SLA2: variants seen among roughly 807,000 people sequenced by gnomAD.
SLA2 encodes the protein Src like adaptor 2, also known as src-like-adapter 2.
Under a neutral mutation model 27.3 loss-of-function variants are expected in SLA2, and 22 were observed. That is an observed-to-expected ratio of 0.81 (90% CI 0.58 to 1.15). The LOEUF (loss-of-function observed/expected upper bound fraction) is 1.15, where lower values mean the gene tolerates loss of function less well. Among genes scored for constraint, SLA2 ranks in the 50% most tolerant of loss-of-function variants. The probability of loss-of-function intolerance (pLI) is 0.00; values close to 1 mark genes in which losing one functional copy is unlikely to be tolerated. For missense variants in SLA2, 304 were observed against 322.2 expected (o/e 0.94, Z 0.43); for synonymous variants, 131 against 137.8 (o/e 0.95, Z 0.34).
intron 3 of SLA2, among the ~76,000 whole-genome samples, chr20:36,634,251 G>A (rs549335924): frequency 6.6e-6 from 1 of 152,206 alleles, no homozygotes; most frequent in South Asian, 2.1e-4. Flanking sequence ...CTCCCAAAGT[G>A]CTGGGATTAC....
chr20:36,636,411 G>A (rs1185818393), intron 2 of SLA2, among the ~76,000 whole-genome samples: 3 of 128,916 alleles, frequency 2.3e-5, no homozygotes, highest in Non-Finnish European at 4.7e-5. Context: ...CTGGGCGACA[G>A]AGCAAGACTC....
chr20:36,621,026 G>A, intron 5 of SLA2: 1 of 363,078 alleles, frequency 2.8e-6, no homozygotes, highest in South Asian at 2.5e-5. Flanking sequence ...AATTTTGGCT[G>A]CAGTGGAAAC....
intron 2 of SLA2, among the ~76,000 whole-genome samples, chr20:36,636,420 T>TC (rs1444626568): frequency 9.6e-6 from 1 of 104,012 alleles, no homozygotes; most frequent in Non-Finnish European, 1.8e-5. Flanking sequence ...AGAGCAAGAC[T>TC]CCGTCTCAAA....
At position 36,612,841 on chromosome 20, in the gene SLA2, C is replaced by T. The variant is rs765673786; in HGVS notation, c.*1025G>A. The T allele has an allele frequency of 3.8e-5, 6 of 156,500 alleles. No individual in the cohort carries two copies. Among genetic ancestry groups the T allele is most frequent in the Non-Finnish European group, 7.1e-5 (5 of 70,634 alleles). 9.7% of individuals were successfully genotyped at this position (156,500 alleles called of 1,614,324 possible). On this transcript the variant is annotated 3_prime_UTR_variant, in exon 8 of 8. Coordinates refer to ENST00000262866, the MANE Select transcript of SLA2 (RefSeq NM_032214.4). Reference sequence around the variant, plus strand: ...CCTGGCCTCACTGCAGTGTGCTAGACTTAAGAGGTGTTATTTTTTATTCGG... The same window carrying T: ...CCTGGCCTCACTGCAGTGTGCTAGATTTAAGAGGTGTTATTTTTTATTCGG...
intron 5 of SLA2, among the ~76,000 whole-genome samples, chr20:36,626,341 G>A (rs1386601054): frequency 6.6e-6 from 1 of 151,082 alleles, no homozygotes; most frequent in Non-Finnish European, 1.5e-5. Context: ...GCAATGAGCC[G>A]AGATTGTGCC....
intron 1 of SLA2, among the ~76,000 whole-genome samples, chr20:36,644,850 C>T (rs1568612476): frequency 1.3e-5 from 2 of 149,400 alleles, no homozygotes; most frequent in African/African-American, 4.9e-5. Context: ...GAGATGAGCA[C>T]GCTGCCCAGA....
At chr20:36,645,177 ACCC>A (rs1978286930) in intron 1 of SLA2, among the ~76,000 whole-genome samples, 2 of 52,456 alleles carry the variant, frequency 3.8e-5, no homozygotes, top group Non-Finnish European at 7.9e-5. Flanking sequence ...CCCCACCCCC[ACCC>A]CCACCACCGC....
At position 36,615,394 on chromosome 20, in the gene SLA2, G is replaced by A; in HGVS notation, c.383-20C>T. 3 of 1,612,648 alleles carry A rather than the reference G, an allele frequency of 1.9e-6. No homozygotes were observed. Among genetic ancestry groups the A allele is most frequent in the Non-Finnish European group, 2.5e-6 (3 of 1,179,938 alleles). ...AAGAGCCTGAGGAGAAAGGGGTCCAGGGGTGGCACTGAGGCCCTGCTGGGA... is the reference window on the plus strand; with the variant it reads ...AAGAGCCTGAGGAGAAAGGGGTCCAAGGGTGGCACTGAGGCCCTGCTGGGA... On this transcript the variant is annotated intron_variant, in intron 5 of 7. Coordinates refer to ENST00000262866, the MANE Select transcript of SLA2 (RefSeq NM_032214.4).
At position 36,641,279 on chromosome 20, in the gene SLA2, AG is replaced by A. The variant is rs748192351; in HGVS notation, c.56del (p.Ser19LeufsTer8). 3.0e-5 allele frequency: 48 copies of A among 1,614,036 alleles called. No individual in the cohort carries two copies. The highest frequency in any genetic ancestry group is 3.7e-5 in the Non-Finnish European group (44 of 1,179,992). On this transcript the variant is annotated frameshift_variant, in exon 2 of 8. Coordinates refer to ENST00000262866, the MANE Select transcript of SLA2 (RefSeq NM_032214.4). LOFTEE classifies it high-confidence loss of function. ...KSLPSPSLSS[S>X]VQGQGPVTME... The stretch of plus-strand genomic sequence containing the variant: ...TGGTCACAGGTCCCTGGCCTTGGAC[AG>A]AGGAACTCAAGCTTGGGCTTGGCAG...
In SLA2 at chr20:36,612,802, C is replaced by G. The variant is rs1473731435; in HGVS notation, c.*1064G>C. ...GCTTAGCACCTTCTGATGCCCCTGC[C>G]CAGCACTGAGGTGCCTGGCCTCACT... On this transcript the variant is annotated 3_prime_UTR_variant, in exon 8 of 8. Coordinates refer to ENST00000262866, the MANE Select transcript of SLA2 (RefSeq NM_032214.4). 1.8e-5 allele frequency: 3 copies of G among 170,030 alleles called. No individual in the cohort carries two copies. Among genetic ancestry groups the G allele is most frequent in the African/African-American group, 7.1e-5 (3 of 41,976 alleles). 10.5% of individuals were successfully genotyped at this position (170,030 alleles called of 1,614,324 possible). A position where few individuals can be genotyped will look rare whatever the true frequency, so the allele number is the denominator to read the frequency against.
chr20:36,634,724 T>G, intron 2 of SLA2, 135 bp from the exon 3 acceptor site: 1 of 512,834 alleles, frequency 1.9e-6, no homozygotes, highest in Non-Finnish European at 3.5e-6. Flanking sequence ...ATCCACTTCC[T>G]AAGAGGGCCA....
intron 5 of SLA2, chr20:36,621,370 G>C: frequency 1.7e-6 from 1 of 599,830 alleles, no homozygotes. Context: ...TCCCTATGGT[G>C]GTGCTTATGG....
chr20:36,639,644 G>A (rs1170003924), intron 2 of SLA2, among the ~76,000 whole-genome samples: 1 of 151,138 alleles, frequency 6.6e-6, no homozygotes, highest in Non-Finnish European at 1.5e-5. Flanking sequence ...ACGAGGTCAG[G>A]AGATTGAGAC....
intron 2 of SLA2, among the ~76,000 whole-genome samples, chr20:36,636,488 C>A (rs1407100967): frequency 6.7e-6 from 1 of 149,402 alleles, no homozygotes; most frequent in Non-Finnish European, 1.5e-5. Flanking sequence ...GCCTGTAGTC[C>A]CAGCTACTCA....
chr20:36,643,207 G>C (rs1236033121), intron 1 of SLA2, among the ~76,000 whole-genome samples: 1 of 152,214 alleles, frequency 6.6e-6, no homozygotes, highest in Non-Finnish European at 1.5e-5. Context: ...CTTATCGTTA[G>C]AATAGTTTAA....
At chr20:36,617,851 G>A (rs567252641) in intron 5 of SLA2, among the ~76,000 whole-genome samples, 43 of 147,670 alleles carry the variant, frequency 2.9e-4, no homozygotes, top group African/African-American at 9.8e-4. Flanking sequence ...GTGAGACTCC[G>A]TCTCAAAAAA....
chr20:36,641,213 A>G, intron 2 of SLA2, 32 bp downstream of exon 2: 1 of 1,580,426 alleles, frequency 6.3e-7, no homozygotes, highest in Non-Finnish European at 8.7e-7. Flanking sequence ...CTGTGTGGGA[A>G]GAGCCTGGCT....
intron 1 of SLA2, 57 bp from the exon 2 acceptor site, chr20:36,641,435 C>A (rs2039505929): frequency 2.0e-6 from 2 of 987,050 alleles, no homozygotes; most frequent in Admixed American, 3.9e-5. Context: ...ATCTCAGATA[C>A]CTCTCCCTCC....
At chr20:36,617,251 C>T (rs1423102758) in intron 5 of SLA2, among the ~76,000 whole-genome samples, 1 of 150,990 alleles carries the variant, frequency 6.6e-6, no homozygotes, top group Non-Finnish European at 1.5e-5. Context: ...CCTGTAGTCC[C>T]AGCTACTTGG....
Sources: allele counts gnomAD v4.1 joint callset (sites outside exome capture counted in the v4.1 genomes callset), GRCh38; gene constraint gnomAD v4.1.1; transcripts MANE v1.5; gene names NCBI Gene and HGNC (gene_info 2026-07-23, HGNC 2026-07-21).